Variants in LRMDA observed in about 807,000 individuals in gnomAD.
LRMDA encodes the protein leucine-rich melanocyte differentiation-associated protein.
Under a neutral mutation model 29.8 loss-of-function variants are expected in LRMDA, and 18 were observed. The ratio of observed to expected loss-of-function variants is 0.60; its 90% CI spans 0.42 to 0.90. The LOEUF is 0.90. Ranked by LOEUF, LRMDA falls within the 40% of genes least tolerant of loss-of-function variation. The pLI is 0.00. For synonymous variants in LRMDA, 125 were observed against 109.4 expected (o/e 1.14, Z -0.89); for missense variants, 273 against 273.9 (o/e 1.00, Z 0.02).
intron 2 of LRMDA, among the ~76,000 whole-genome samples, chr10:75,470,705 T>C (rs1273355122): frequency 1.3e-5 from 2 of 152,126 alleles, no homozygotes; most frequent in African/African-American, 4.8e-5. Flanking sequence ...GGTCCCTCCT[T>C]GTAGGTGCCC....
At chr10:75,634,319 C>A (rs922678589) in intron 2 of LRMDA, among the ~76,000 whole-genome samples, 3 of 152,196 alleles carry the variant, frequency 2.0e-5, no homozygotes, top group Non-Finnish European at 4.4e-5. Context: ...TGAATCTGAC[C>A]ATTAAGCATT....
chr10:75,854,026 A>G (rs1844778560), intron 2 of LRMDA, among the ~76,000 whole-genome samples: 1 of 152,038 alleles, frequency 6.6e-6, no homozygotes, highest in South Asian at 2.1e-4. Context: ...GGCAGCTGAT[A>G]TTGTGTGTCT....
chr10:75,889,779 G>GA (rs1845452186), intron 2 of LRMDA, among the ~76,000 whole-genome samples: 1 of 152,194 alleles, frequency 6.6e-6, no homozygotes, highest in African/African-American at 2.4e-5. Flanking sequence ...GATGGGGGTG[G>GA]AATGGCCCAA....
intron 2 of LRMDA, among the ~76,000 whole-genome samples, chr10:75,564,460 G>A (rs1840343812): frequency 6.6e-6 from 1 of 152,194 alleles, no homozygotes; most frequent in Non-Finnish European, 1.5e-5. Flanking sequence ...ACTAGGAAAG[G>A]GAACTCCCTG....
At chr10:75,907,254 T>G (rs1371231818) in intron 2 of LRMDA, among the ~76,000 whole-genome samples, 1 of 152,180 alleles carries the variant, frequency 6.6e-6, no homozygotes, top group African/African-American at 2.4e-5. Flanking sequence ...AAAGGTTTAG[T>G]GTATATAAAA....
rs563140499 is a variant in LRMDA, at chr10:75,442,313, A to G, written c.131+3819A>G. On this transcript the variant is annotated intron_variant, in intron 2 of 6. Coordinates refer to ENST00000611255, the MANE Select transcript of LRMDA (RefSeq NM_001305581.2). ...TCTATTGTCTTAGCAGATTTCAAGT[A>G]TACAATACAGTAATATTAACTATAG... Among the ~76,000 whole-genome samples the G allele has an allele frequency of 8.5e-5, 13 of 152,362 alleles. No individual in the cohort carries two copies. The South Asian group carries it at 1.9e-3, about 22-fold the overall frequency.
chr10:75,762,025 C>G (rs1402075693), intron 2 of LRMDA, among the ~76,000 whole-genome samples: 1 of 151,970 alleles, frequency 6.6e-6, no homozygotes, highest in African/African-American at 2.4e-5. Context: ...CTGGTCTAGG[C>G]TGGTCTTAAA....
chr10:75,436,420 G>T (rs1226366143), intron 1 of LRMDA, among the ~76,000 whole-genome samples: 1 of 151,980 alleles, frequency 6.6e-6, no homozygotes, highest in Non-Finnish European at 1.5e-5. Context: ...TCTGGTGAGC[G>T]CCATGGACCT....
chr10:75,644,042 G>A (rs544262428), intron 2 of LRMDA, among the ~76,000 whole-genome samples: 6 of 152,254 alleles, frequency 3.9e-5, no homozygotes, highest in Middle Eastern at 3.4e-3. Context: ...TTAAATGTTC[G>A]AGACATGGGA....
intron 2 of LRMDA, among the ~76,000 whole-genome samples, chr10:75,953,939 GA>G (rs1289639191): frequency 6.6e-6 from 1 of 152,182 alleles, no homozygotes; most frequent in Non-Finnish European, 1.5e-5. Context: ...CACAGGATCT[GA>G]AAGCGCAGAA....
At chr10:76,092,877 T>G (rs1413201577) in intron 5 of LRMDA, among the ~76,000 whole-genome samples, 1 of 152,226 alleles carries the variant, frequency 6.6e-6, no homozygotes, top group Admixed American at 6.5e-5. Flanking sequence ...TCCTTTCAAT[T>G]TATGCATTTT....
rs770631197 is a variant in LRMDA, at chr10:76,056,033, G to A, written c.399-2633G>A. 7.2e-4 allele frequency among the ~76,000 whole-genome samples: 109 copies of A among 152,356 alleles called. No individual in the cohort carries two copies. The Middle Eastern group carries it at 0.014, about 19-fold the overall frequency. Reference sequence around the variant, plus strand: ...CAAGTTGTTGTCCCAGATCCAGGAAGAATGAAGCATGCACACAATTGGAGG... The same window carrying A: ...CAAGTTGTTGTCCCAGATCCAGGAAAAATGAAGCATGCACACAATTGGAGG... On this transcript the variant is annotated intron_variant, in intron 4 of 6. Coordinates refer to ENST00000611255, the MANE Select transcript of LRMDA (RefSeq NM_001305581.2).
chr10:75,782,066 C>T (rs1843393046), intron 2 of LRMDA, among the ~76,000 whole-genome samples: 1 of 152,226 alleles, frequency 6.6e-6, no homozygotes, highest in South Asian at 2.1e-4. Context: ...TGAGAACCAA[C>T]ATTGCATCTC....
intron 2 of LRMDA, among the ~76,000 whole-genome samples, chr10:75,628,817 G>C (rs1841284065): frequency 6.6e-6 from 1 of 152,158 alleles, no homozygotes; most frequent in African/African-American, 2.4e-5. Context: ...TGTGCCACTG[G>C]TTTCCAAAAG....
At chr10:76,075,027 C>A (rs1485129890) in intron 5 of LRMDA, among the ~76,000 whole-genome samples, 1 of 152,144 alleles carries the variant, frequency 6.6e-6, no homozygotes, top group African/African-American at 2.4e-5. Flanking sequence ...GAGGATTGAA[C>A]AGGAGGATCC....
intron 2 of LRMDA, among the ~76,000 whole-genome samples, chr10:75,488,905 GCATA>G (rs1354185342): frequency 6.6e-6 from 1 of 152,124 alleles, no homozygotes; most frequent in Non-Finnish European, 1.5e-5. Context: ...TTAACCCTCA[GCATA>G]CAGTTTTCTT....
intron 2 of LRMDA, among the ~76,000 whole-genome samples, chr10:75,987,590 G>A (rs1255658380): frequency 6.6e-6 from 1 of 152,170 alleles, no homozygotes; most frequent in Non-Finnish European, 1.5e-5. Flanking sequence ...TTAGTGGGCT[G>A]GACTGCCACT....
chr10:75,498,250 T>C (rs1845070686), intron 2 of LRMDA, among the ~76,000 whole-genome samples: 2 of 152,238 alleles, frequency 1.3e-5, no homozygotes. Flanking sequence ...CAAAATCTTA[T>C]GGGGCTATAA....
chr10:76,503,146 A>G (rs974358926), intron 6 of LRMDA, among the ~76,000 whole-genome samples: 1 of 152,000 alleles, frequency 6.6e-6, no homozygotes, highest in Non-Finnish European at 1.5e-5. Flanking sequence ...GCATCTATTG[A>G]GATGATCCTA....
Sources: allele counts gnomAD v4.1 joint callset (sites outside exome capture counted in the v4.1 genomes callset), GRCh38; gene constraint gnomAD v4.1.1; transcripts MANE v1.5; gene names NCBI Gene and HGNC (gene_info 2026-07-23, HGNC 2026-07-21).